Variants in EHD3 observed in about 807,000 individuals in gnomAD.
EHD3 encodes EH domain containing 3.
EHD3 carries 17 observed loss-of-function variants against 43.0 expected under a neutral mutation model. That is an observed-to-expected ratio of 0.40 (90% CI 0.27 to 0.59). The LOEUF is 0.59. Among genes scored for constraint, EHD3 ranks in the 20% least tolerant of loss-of-function variants. EHD3 has a pLI of 0.49. For synonymous variants in EHD3, 313 were observed against 289.5 expected (o/e 1.08, Z -0.82); for missense variants, 594 against 705.6 (o/e 0.84, Z 1.79).
chr2:31,237,778 G>A (rs546760520), intron 1 of EHD3, among the ~76,000 whole-genome samples: 27 of 152,224 alleles, frequency 1.8e-4, no homozygotes, highest in Middle Eastern at 3.4e-3. Flanking sequence ...TTTAACAACT[G>A]CATACTATTT....
chr2:31,265,511 C>T (rs747088541), intron 5 of EHD3, among the ~76,000 whole-genome samples: 1 of 152,204 alleles, frequency 6.6e-6, no homozygotes, highest in Non-Finnish European at 1.5e-5. Context: ...CAGCACATGA[C>T]TGTATTTTGA....
rs766994253 is a variant in EHD3, at chr2:31,260,882, G to C, written c.875G>C (p.Arg292Pro). 6.2e-7 allele frequency: 1 copy of C among 1,613,642 alleles called. No homozygotes were observed. The highest frequency in any genetic ancestry group is 8.5e-7 in the Non-Finnish European group (1 of 1,179,788). The change falls in exon 4 of 6, where the codon CGC (arginine) becomes CCC (proline). Residue 292 changes from arginine (R) to proline (P), a missense_variant. Transcript: ENST00000322054. The surrounding 1 kb of genome is among the most constrained non-coding windows in gnomAD (Gnocchi z 4.6). ...IQSLPRNAAL[R>P]KLNDLIKRAR... ...AGTCTGCCCCGAAATGCTGCCCTGC[G>C]CAAGCTCAACGACCTCATCAAAAGG...
chr2:31,240,201 G>A (rs532110005), intron 1 of EHD3, among the ~76,000 whole-genome samples: 4 of 152,294 alleles, frequency 2.6e-5, no homozygotes, highest in South Asian at 2.1e-4. Flanking sequence ...CCATGAGGCC[G>A]ACAGGGCAAG....
chr2:31,261,004 C>T, intron 4 of EHD3, 82 bp downstream of exon 4: 1 of 1,462,332 alleles, frequency 6.8e-7, no homozygotes, highest in African/African-American at 1.4e-5. Flanking sequence ...GGGTTGCTGC[C>T]TCCAACAGCC....
At chr2:31,255,347 T>C (rs539497598) in intron 3 of EHD3, among the ~76,000 whole-genome samples, 1 of 152,304 alleles carries the variant, frequency 6.6e-6, no homozygotes, top group South Asian at 2.1e-4. Context: ...AGGGGGCCTG[T>C]CACTGGCCAT....
rs575687228 is a variant in EHD3 at position 31,263,544 on chromosome 2, G to A, written c.1080+1831G>A. Among the ~76,000 whole-genome samples, 3 of 152,284 alleles carry A rather than the reference G, an allele frequency of 2.0e-5. No homozygotes were observed. The East Asian group carries it at 5.8e-4, about 29-fold the overall frequency. ...ACCAAACATACCTAGATGTGAGCAG[G>A]CTGGGAGGGACAGGAGGAATGAGAG... is the stretch of plus-strand genomic sequence containing the variant. On this transcript the variant is annotated intron_variant, in intron 5 of 5. Transcript: ENST00000322054.
intron 1 of EHD3, among the ~76,000 whole-genome samples, chr2:31,235,577 G>A (rs543637835): frequency 1.8e-4 from 28 of 152,304 alleles, no homozygotes; most frequent in African/African-American, 6.5e-4. Context: ...TAACCGAGGC[G>A]CAGAGAAGTT....
At chr2:31,259,319 T>C (rs1239686957) in intron 3 of EHD3, among the ~76,000 whole-genome samples, 1 of 152,220 alleles carries the variant, frequency 6.6e-6, no homozygotes, top group African/African-American at 2.4e-5. Context: ...GACAAATCAC[T>C]TGACTTCTCT....
rs368461616 is a variant in EHD3, at chr2:31,266,694, T to C, written c.1598T>C (p.Val533Ala). The change falls in exon 6 of 6, where the codon GTT becomes GCT. Residue 533 changes from valine to alanine, a missense_variant. Val to Ala is a moderately conservative substitution (Grantham distance 64). This residue lies in a region of EHD3 where 322 missense variants were observed against 348.0 expected (regional missense o/e 0.93). Transcript: ENST00000322054. This position sits in a 1 kb window ranked among gnomAD's most constrained non-coding sequence, Gnocchi z 5.1. ...CTCCTGCCCCCGTCCAAGAGGAAAGTTGCCGAGTGATGGGGTGGGGGGACA... is the reference window on the plus strand; with the variant it reads ...CTCCTGCCCCCGTCCAAGAGGAAAGCTGCCGAGTGATGGGGTGGGGGGACA... ...AHLLPPSKRK[V>A]AE 1.6e-5 allele frequency: 26 copies of C among 1,601,878 alleles called. No individual in the cohort carries two copies. The highest frequency in any genetic ancestry group is 2.2e-5 in the East Asian group (1 of 44,676).
chr2:31,241,679 T>C (rs1683427600), intron 1 of EHD3, among the ~76,000 whole-genome samples: 1 of 152,124 alleles, frequency 6.6e-6, no homozygotes, highest in African/African-American at 2.4e-5. Flanking sequence ...TTACCCGCCA[T>C]GTTATGGAGT....
At chr2:31,243,561 AT>A (rs1683464165) in intron 1 of EHD3, among the ~76,000 whole-genome samples, 1 of 148,210 alleles carries the variant, frequency 6.7e-6, no homozygotes, top group Admixed American at 6.9e-5. Flanking sequence ...GGTTCAAATG[AT>A]TCTCCTGCCT....
chr2:31,261,460 AG>A, intron 4 of EHD3, 88 bp from the exon 5 acceptor site: 1 of 1,458,494 alleles, frequency 6.9e-7, no homozygotes. Context: ...GGAGGGATGT[AG>A]GGGAAGGAAT....
Position 31,260,948 on chromosome 2 carries a change from C to T in EHD3, c.915+26C>T, listed in dbSNP as rs756935908. The T allele has an allele frequency of 4.5e-6, 7 of 1,562,600 alleles. No homozygotes were observed. The South Asian group carries it at 7.4e-5, about 17-fold the overall frequency. The stretch of plus-strand genomic sequence containing the variant: ...GTGAGGCAGCCCCCTGGGAGGTGGG[C>T]AGCTTGGGCAGGGGCCCAGAGTTTG... On this transcript the variant is annotated intron_variant, in intron 4 of 5. Coordinates refer to ENST00000322054, the MANE Select transcript of EHD3 (RefSeq NM_014600.3). The surrounding 1 kb of genome is among the most constrained non-coding windows in gnomAD (Gnocchi z 4.6).
In EHD3 at chr2:31,234,616, G is replaced by A. The variant is rs373623263; in HGVS notation, c.-6G>A. 6.2e-7 allele frequency: 1 copy of A among 1,613,228 alleles called. No individual in the cohort carries two copies. Among genetic ancestry groups the A allele is most frequent in the South Asian group, 1.1e-5 (1 of 91,076 alleles). On this transcript the variant is annotated 5_prime_UTR_variant, in exon 1 of 6. Transcript: ENST00000322054. ...GGCTGCGTGCCGGGGGCGAGCGGCG[G>A]CCGCGATGTTCAGCTGGCTGGGTAC...
intron 1 of EHD3, among the ~76,000 whole-genome samples, chr2:31,239,635 G>T (rs1683380584): frequency 6.6e-6 from 1 of 152,152 alleles, no homozygotes. Flanking sequence ...TCCTGCCCAG[G>T]GACCTGGTTA....
intron 3 of EHD3, among the ~76,000 whole-genome samples, chr2:31,254,036 T>A (rs1428132327): frequency 1.3e-5 from 2 of 152,110 alleles, no homozygotes; most frequent in African/African-American, 4.8e-5. Context: ...GGCTTTGTGC[T>A]CACATCACAG....
intron 1 of EHD3, among the ~76,000 whole-genome samples, chr2:31,240,065 C>G (rs1193005609): frequency 6.6e-6 from 1 of 152,138 alleles, no homozygotes; most frequent in Non-Finnish European, 1.5e-5. Flanking sequence ...AGGGTGCTTT[C>G]GACAGGGCCA....
At chr2:31,258,312 G>T (rs561488979) in intron 3 of EHD3, among the ~76,000 whole-genome samples, 1 of 152,046 alleles carries the variant, frequency 6.6e-6, no homozygotes, top group Admixed American at 6.5e-5. Flanking sequence ...TTTCCCGACC[G>T]TCTGATCCCA....
At position 31,268,622 on chromosome 2, in the gene EHD3, C is replaced by G. The variant is rs988547219; in HGVS notation, c.*1918C>G. On this transcript the variant is annotated 3_prime_UTR_variant, in exon 6 of 6. Transcript: ENST00000322054. Reference sequence around the variant, plus strand: ...CTGCTCCTCTGGAGTGAAGATGTTCCCTAAGCCCCTGGGCTTCCTTCTGCA... The same window carrying G: ...CTGCTCCTCTGGAGTGAAGATGTTCGCTAAGCCCCTGGGCTTCCTTCTGCA... 3 of 152,230 alleles carry G rather than the reference C, an allele frequency of 2.0e-5. No individual in the cohort carries two copies. The highest frequency in any genetic ancestry group is 4.8e-5 in the African/African-American group (2 of 41,448). The allele number at this position is 152,230 out of a possible 1,614,324, so 9.4% of individuals were successfully genotyped here. A position where few individuals can be genotyped will look rare whatever the true frequency, so the allele number is the denominator to read the frequency against.
Sources: gnomAD v4.1 joint callset for allele counts (sites outside exome capture counted in the v4.1 genomes callset) on GRCh38, gnomAD v4.1.1 for gene constraint, gnomAD v4.1.1 regional missense constraint, Gnocchi (gnomAD v3.1) non-coding constraint, MANE v1.5 for transcripts, NCBI Gene and HGNC (gene_info 2026-07-23, HGNC 2026-07-21) for gene names.